OSBPL1A: variants seen among roughly 807,000 people sequenced by gnomAD.
The protein encoded by OSBPL1A is oxysterol binding protein like 1A.
Under a neutral mutation model 137.1 loss-of-function variants are expected in OSBPL1A, and 80 were observed. That is an observed-to-expected ratio of 0.58 (90% CI 0.49 to 0.70). The LOEUF (loss-of-function observed/expected upper bound fraction) is 0.70. Ranked by LOEUF, OSBPL1A falls within the 30% of genes least tolerant of loss-of-function variation. The pLI is 0.00. For synonymous variants in OSBPL1A, 365 were observed against 389.7 expected, an observed-to-expected ratio of 0.94 and a Z score of 0.75; for missense variants, 970 against 1,129.4, an observed-to-expected ratio of 0.86 and a Z score of 2.02.
chr18:24,186,858 C>T lies in OSBPL1A; in HGVS notation c.1678-5579G>A, dbSNP rs537511530. Among the ~76,000 whole-genome samples, 216 of 132,788 alleles carry T rather than the reference C, an allele frequency of 1.6e-3. 3 individuals carry two copies. The highest frequency in any genetic ancestry group is 6.3e-3 in the African/African-American group (209 of 33,298). 87.1% of individuals were successfully genotyped at this position (132,788 alleles called of 152,430 possible). ...GGCAGAGGTTGCAGTGAGCCAAGAT[C>T]ACGCCACTGCATTCCAGCCTGGGCG... On this transcript the variant is annotated intron_variant, in intron 18 of 27. Coordinates refer to ENST00000319481, the MANE Select transcript of OSBPL1A (RefSeq NM_080597.4).
intron 12 of OSBPL1A, 115 bp from the exon 13 acceptor site, chr18:24,312,221 C>T (rs1172543028): frequency 1.6e-6 from 2 of 1,289,250 alleles, no homozygotes; most frequent in African/African-American, 1.5e-5. Flanking sequence ...ATTATGGCCT[C>T]AAAAGGGAAA....
chr18:24,293,188 C>T (rs2146089671), intron 14 of OSBPL1A, among the ~76,000 whole-genome samples: 1 of 148,364 alleles, frequency 6.7e-6, no homozygotes, highest in Admixed American at 6.8e-5. Flanking sequence ...AGATTGCTCA[C>T]AAAGGTGAGG....
At chr18:24,163,314 G>A in intron 27 of OSBPL1A, 33 bp from the exon 28 acceptor site, 1 of 1,462,340 alleles carries the variant, frequency 6.8e-7, no homozygotes, top group Non-Finnish European at 9.4e-7. Flanking sequence ...ACTTACAGGG[G>A]AAACTATGGA....
chr18:24,394,581 G>A (rs1220461827), intron 1 of OSBPL1A, among the ~76,000 whole-genome samples: 1 of 152,116 alleles, frequency 6.6e-6, no homozygotes, highest in East Asian at 1.9e-4. Flanking sequence ...CTAGCAAGGA[G>A]GCTGATTGTT....
At chr18:24,311,669 C>A in intron 13 of OSBPL1A, 1 of 307,550 alleles carries the variant, frequency 3.3e-6, no homozygotes, top group Non-Finnish European at 5.4e-6. Flanking sequence ...TCAAGCTATG[C>A]ATGCTCCCCA....
chr18:24,293,722 G>C (rs887408079), intron 14 of OSBPL1A, among the ~76,000 whole-genome samples: 2 of 152,158 alleles, frequency 1.3e-5, no homozygotes, highest in Admixed American at 6.5e-5. Context: ...ACTGGGAGGT[G>C]GGGGGCTGAG....
At chr18:24,256,488 T>C (rs1483078338) in intron 15 of OSBPL1A, among the ~76,000 whole-genome samples, 8 of 152,094 alleles carry the variant, frequency 5.3e-5, no homozygotes, top group Admixed American at 5.2e-4. Context: ...ATAAAAGCCA[T>C]GAAAGACCCA....
At chr18:24,251,238 G>A (rs868387070) in intron 15 of OSBPL1A, among the ~76,000 whole-genome samples, 1 of 152,140 alleles carries the variant, frequency 6.6e-6, no homozygotes, top group Non-Finnish European at 1.5e-5. Context: ...TGGTGACTAC[G>A]TAGATCCCTG....
intron 12 of OSBPL1A, among the ~76,000 whole-genome samples, chr18:24,313,979 C>T (rs1051917049): frequency 6.6e-6 from 1 of 152,076 alleles, no homozygotes; most frequent in Non-Finnish European, 1.5e-5. Context: ...TTGGCACGTG[C>T]CTGTAGTCCC....
At chr18:24,316,191 G>T (rs1045651514) in intron 11 of OSBPL1A, among the ~76,000 whole-genome samples, 9 of 151,890 alleles carry the variant, frequency 5.9e-5, no homozygotes, top group African/African-American at 2.2e-4. Flanking sequence ...AACCTGGGAG[G>T]TGGAGGTTGC....
At chr18:24,195,478 TAAA>T (rs2087003983) in intron 18 of OSBPL1A, among the ~76,000 whole-genome samples, 1 of 152,252 alleles carries the variant, frequency 6.6e-6, no homozygotes, top group East Asian at 1.9e-4. Flanking sequence ...TGCAAAATGT[TAAA>T]AGGTAATGTC....
chr18:24,324,956 C>T (rs985302468), intron 7 of OSBPL1A, among the ~76,000 whole-genome samples: 4 of 151,624 alleles, frequency 2.6e-5, no homozygotes, highest in Non-Finnish European at 4.4e-5. Flanking sequence ...CATGGTAGCG[C>T]GCACCTGTAA....
intron 16 of OSBPL1A, 147 bp from the exon 17 acceptor site, chr18:24,225,345 G>A: frequency 1.4e-6 from 1 of 723,514 alleles, no homozygotes; most frequent in Non-Finnish European, 2.2e-6. Context: ...ACCTCCTCAG[G>A]GATTTCACAG....
At chr18:24,344,769 T>C (rs1025742461) in intron 4 of OSBPL1A, among the ~76,000 whole-genome samples, 2 of 151,906 alleles carry the variant, frequency 1.3e-5, no homozygotes, top group Non-Finnish European at 2.9e-5. Flanking sequence ...GATTGGTTTG[T>C]TGAGGGGGAA....
intron 1 of OSBPL1A, among the ~76,000 whole-genome samples, chr18:24,388,885 T>C (rs1441419692): frequency 1.3e-5 from 2 of 151,580 alleles, no homozygotes; most frequent in Non-Finnish European, 2.9e-5. Flanking sequence ...GGTTGATAAC[T>C]ACTTTCTTAA....
chr18:24,189,263 T>C (rs1258528796), intron 18 of OSBPL1A, among the ~76,000 whole-genome samples: 3 of 152,162 alleles, frequency 2.0e-5, no homozygotes, highest in African/African-American at 7.2e-5. Context: ...AAATTGAAAA[T>C]ATTGTATAAA....
At chr18:24,383,149 TAA>T (rs889641575) in intron 1 of OSBPL1A, among the ~76,000 whole-genome samples, 5 of 44,190 alleles carry the variant, frequency 1.1e-4, no homozygotes, top group South Asian at 1.3e-3. Context: ...TGGAAAATGT[TAA>T]GTTATTAAAG....
chr18:24,169,414 G>A (rs1169908614), intron 24 of OSBPL1A, among the ~76,000 whole-genome samples: 2 of 152,180 alleles, frequency 1.3e-5, no homozygotes, highest in African/African-American at 2.4e-5. Flanking sequence ...TAATGAGCTC[G>A]CAGATGATGC....
At chr18:24,277,616 C>T (rs929194891) in intron 15 of OSBPL1A, among the ~76,000 whole-genome samples, 1 of 152,186 alleles carries the variant, frequency 6.6e-6, no homozygotes, top group African/African-American at 2.4e-5. Flanking sequence ...GTCTTCAAAG[C>T]TTTATGCCTG....
Sources: gnomAD v4.1 joint callset for allele counts (sites outside exome capture counted in the v4.1 genomes callset) on GRCh38, gnomAD v4.1.1 for gene constraint, MANE v1.5 for transcripts, NCBI Gene and HGNC (gene_info 2026-07-23, HGNC 2026-07-21) for gene names.